Variants in INSR observed in about 807,000 individuals in gnomAD.
INSR encodes IR.
In INSR, 67 loss-of-function variants were observed where a neutral mutation model predicts 142.6. The ratio of observed to expected loss-of-function variants is 0.47; its 90% CI spans 0.39 to 0.58. INSR has a LOEUF of 0.58. Ranked by LOEUF, INSR falls within the 20% of genes least tolerant of loss-of-function variation. The pLI is 0.00. For synonymous variants in INSR, 756 were observed against 743.1 expected, an observed-to-expected ratio of 1.02 and a Z score of -0.28; for missense variants, 1,248 against 1,833.2, an observed-to-expected ratio of 0.68 and a Z score of 5.83.
intron 1 of INSR, chr19:7,268,594 A>AAC: frequency 2.0e-6 from 2 of 985,224 alleles, no homozygotes; most frequent in Non-Finnish European, 2.4e-6. Context: ...GCCTGCCCAC[A>AAC]ACTCTTGCAC....
At chr19:7,292,100 TTA>T (rs1362039383) in intron 1 of INSR, among the ~76,000 whole-genome samples, 1 of 142,974 alleles carries the variant, frequency 7.0e-6, no homozygotes, top group Non-Finnish European at 1.5e-5. Context: ...GCCTTTTTTT[TTA>T]TTTTTTTGAG....
At chr19:7,156,760 C>T (rs1599921734) in intron 9 of INSR, among the ~76,000 whole-genome samples, 1 of 143,302 alleles carries the variant, frequency 7.0e-6, no homozygotes, top group South Asian at 2.2e-4. Flanking sequence ...CCTAAAAATA[C>T]AAAATACAAT....
chr19:7,246,680 A>G (rs1269676269), intron 2 of INSR, among the ~76,000 whole-genome samples: 1 of 152,252 alleles, frequency 6.6e-6, no homozygotes, highest in Non-Finnish European at 1.5e-5. Context: ...GGATACAACA[A>G]GTTCCCAGTT....
At position 7,114,696 on chromosome 19, in the gene INSR, A is replaced by C. The variant is rs1359185711; in HGVS notation, c.*2360T>G. 1.3e-5 allele frequency: 2 copies of C among 152,554 alleles called. No individual in the cohort carries two copies. Among genetic ancestry groups the C allele is most frequent in the Non-Finnish European group, 2.9e-5 (2 of 68,010 alleles). 9.5% of individuals were successfully genotyped at this position (152,554 alleles called of 1,614,324 possible). ...TGAAAAAAGAAAATCACTATCCCCC[A>C]TTCACCTGTTTATTTTTCTTTGATA... On this transcript the variant is annotated 3_prime_UTR_variant, in exon 22 of 22. Coordinates refer to ENST00000302850, the MANE Select transcript of INSR (RefSeq NM_000208.4).
intron 2 of INSR, among the ~76,000 whole-genome samples, chr19:7,208,061 C>T (rs1324224054): frequency 6.6e-5 from 10 of 152,060 alleles, no homozygotes; most frequent in African/African-American, 1.9e-4. Flanking sequence ...CCTTGTACCC[C>T]CCAGAAAACC....
intron 9 of INSR, among the ~76,000 whole-genome samples, chr19:7,161,759 G>C (rs769213349): frequency 6.6e-6 from 1 of 152,134 alleles, no homozygotes; most frequent in Non-Finnish European, 1.5e-5. Flanking sequence ...AAGAGAACAA[G>C]GAAGGCAGGG....
At chr19:7,229,370 A>T (rs1975898203) in intron 2 of INSR, among the ~76,000 whole-genome samples, 1 of 151,226 alleles carries the variant, frequency 6.6e-6, no homozygotes, top group South Asian at 2.1e-4. Flanking sequence ...GGATGGATAG[A>T]TGGATGGGCA....
chr19:7,255,991 C>A (rs911755974), intron 2 of INSR, among the ~76,000 whole-genome samples: 2 of 152,082 alleles, frequency 1.3e-5, no homozygotes, highest in African/African-American at 4.8e-5. Flanking sequence ...ATCTTCAACC[C>A]CCGGAAGAGG....
At chr19:7,134,170 C>T (rs1468248174) in intron 13 of INSR, among the ~76,000 whole-genome samples, 1 of 151,992 alleles carries the variant, frequency 6.6e-6, no homozygotes, top group East Asian at 1.9e-4. Flanking sequence ...CAGAGCAAGA[C>T]TCCATCTCAA....
At chr19:7,263,124 A>G (rs1193940421) in intron 2 of INSR, among the ~76,000 whole-genome samples, 1 of 152,084 alleles carries the variant, frequency 6.6e-6, no homozygotes, top group African/African-American at 2.4e-5. Context: ...CTGAAAATAC[A>G]AAACTTAGCC....
chr19:7,267,361 A>T lies in INSR; in HGVS notation c.636T>A (p.His212Gln). Reference protein sequence around the residue: ...NGQFVERCWTHSHCQKVCPTI... With the variant: ...NGQFVERCWTQSHCQKVCPTI... The stretch of plus-strand genomic sequence containing the variant: ...CCGGCGTACCTTTCTGGCAGTGACT[A>T]TGAGTCCAACATCGTTCGACAAACT... The change falls in exon 2 of 22, where the codon CAT (histidine) becomes CAA (glutamine). Residue 212 changes from histidine (H) to glutamine (Q), a missense_variant. Coordinates refer to ENST00000302850, the MANE Select transcript of INSR (RefSeq NM_000208.4). This position sits in a 1 kb window ranked among gnomAD's most constrained non-coding sequence, Gnocchi z 6.3. 1 of 1,614,212 alleles carries T rather than the reference A, an allele frequency of 6.2e-7. No homozygotes were observed. Among genetic ancestry groups the T allele is most frequent in the Non-Finnish European group, 8.5e-7 (1 of 1,180,044 alleles).
At chr19:7,252,701 C>T (rs529027198) in intron 2 of INSR, among the ~76,000 whole-genome samples, 7 of 152,266 alleles carry the variant, frequency 4.6e-5, no homozygotes, top group South Asian at 2.1e-4. Flanking sequence ...TGGAAACACT[C>T]GGTAATAAAG....
chr19:7,207,901 A>AAGGAAGGAAGGAAGGAAGG (rs1555752220), intron 2 of INSR, among the ~76,000 whole-genome samples: 1 of 72,746 alleles, frequency 1.4e-5, no homozygotes, highest in Non-Finnish European at 2.7e-5. Flanking sequence ...GGAAGGAAGG[A>AAGGAAGGAAGGAAGGAAGG]AAGGAAGGAA....
In INSR at chr19:7,152,800, G is replaced by A. The variant is rs1270708644; in HGVS notation, c.2157C>T (p.Ile719=). Residue 719 remains isoleucine (I), a synonymous_variant, in exon 10 of 22, where the codon ATC becomes ATT. Coordinates refer to ENST00000302850, the MANE Select transcript of INSR (RefSeq NM_000208.4). Reference sequence around the variant, plus strand: ...ACGAGGACTCCTCCAGCTCCTTCAGGATCTGAGAGTCTGTCTTTGGACAGG... The same window carrying A: ...ACGAGGACTCCTCCAGCTCCTTCAGAATCTGAGAGTCTGTCTTTGGACAGG... ...CCSCPKTDSQ[I]LKELEESSFR... 1.2e-6 allele frequency: 2 copies of A among 1,613,470 alleles called. No homozygotes were observed. Among genetic ancestry groups the A allele is most frequent in the Non-Finnish European group, 1.7e-6 (2 of 1,179,950 alleles).
At chr19:7,188,480 G>T (rs2145001084) in intron 2 of INSR, among the ~76,000 whole-genome samples, 1 of 151,586 alleles carries the variant, frequency 6.6e-6, no homozygotes, top group African/African-American at 2.4e-5. Context: ...CTTGAACCTG[G>T]GAGGTGGAGG....
At chr19:7,175,211 T>G (rs888510925) in intron 3 of INSR, among the ~76,000 whole-genome samples, 5 of 152,050 alleles carry the variant, frequency 3.3e-5, no homozygotes, top group African/African-American at 1.2e-4. Flanking sequence ...ATCGCTTGAT[T>G]GTTAAAAATG....
At chr19:7,196,848 A>G (rs1368261044) in intron 2 of INSR, among the ~76,000 whole-genome samples, 2 of 152,206 alleles carry the variant, frequency 1.3e-5, no homozygotes, top group Non-Finnish European at 1.5e-5. Context: ...TCCAAACGGA[A>G]CAGTTGCGTC....
intron 2 of INSR, among the ~76,000 whole-genome samples, chr19:7,208,542 C>T (rs1200805731): frequency 6.6e-6 from 1 of 152,198 alleles, no homozygotes; most frequent in Non-Finnish European, 1.5e-5. Context: ...TAACCTTGAC[C>T]AGCTTAAGAG....
At chr19:7,220,245 TG>T (rs1202677617) in intron 2 of INSR, among the ~76,000 whole-genome samples, 1 of 152,232 alleles carries the variant, frequency 6.6e-6, no homozygotes, top group Non-Finnish European at 1.5e-5. Flanking sequence ...AGTAATCTTG[TG>T]TTTGCCTCCT....
Sources: gnomAD v4.1 joint callset for allele counts (sites outside exome capture counted in the v4.1 genomes callset) on GRCh38, gnomAD v4.1.1 for gene constraint, Gnocchi (gnomAD v3.1) non-coding constraint, MANE v1.5 for transcripts, NCBI Gene and HGNC (gene_info 2026-07-23, HGNC 2026-07-21) for gene names.